Variants in BBOF1 observed in about 807,000 individuals in gnomAD.
BBOF1 encodes the protein basal body orientation factor 1.
Under a neutral mutation model 68.0 loss-of-function variants are expected in BBOF1, and 62 were observed. The observed-to-expected ratio is 0.91, with a 90% CI of 0.74 to 1.13. BBOF1 has a LOEUF of 1.13. Among genes scored for constraint, BBOF1 ranks in the 50% most tolerant of loss-of-function variants. The pLI is 0.00. For synonymous variants in BBOF1, 208 were observed against 198.8 expected (o/e 1.05, Z -0.39); for missense variants, 534 against 600.1 (o/e 0.89, Z 1.15).
At position 74,023,031 on chromosome 14, in the gene BBOF1, C is replaced by T. The variant is rs777449881; in HGVS notation, c.172C>T (p.Arg58Trp). 44 of 1,608,680 alleles carry T rather than the reference C, an allele frequency of 2.7e-5. No individual in the cohort carries two copies. Among genetic ancestry groups the T allele is most frequent in the Admixed American group, 1.2e-4 (7 of 59,522 alleles). Reference sequence around the variant, plus strand: ...TAGGATTAAGTATCGTGATACTTCACGGATACTGGCAAAAAGTAATGAGGA... The same window carrying T: ...TAGGATTAAGTATCGTGATACTTCATGGATACTGGCAAAAAGTAATGAGGA... ...LSRIKYRDTS[R>W]ILAKSNEDLK... Residue 58 changes from arginine (R) to tryptophan (W), a missense_variant, in exon 2 of 12, where the codon CGG becomes TGG. Arg to Trp is a moderately radical substitution (Grantham distance 101). Coordinates refer to ENST00000394009, the MANE Select transcript of BBOF1 (RefSeq NM_025057.3).
intron 4 of BBOF1, among the ~76,000 whole-genome samples, chr14:74,035,057 A>G (rs1272821312): frequency 6.6e-6 from 1 of 152,136 alleles, no homozygotes; most frequent in Non-Finnish European, 1.5e-5. Context: ...GCACGACTGC[A>G]CTCCAGCCTG....
At chr14:74,022,648 C>T (rs920084414) in intron 1 of BBOF1, among the ~76,000 whole-genome samples, 4 of 152,168 alleles carry the variant, frequency 2.6e-5, no homozygotes, top group Admixed American at 6.5e-5. Flanking sequence ...CTCCAGGACT[C>T]CCCTCCTCCA....
At chr14:74,034,757 C>T (rs1274595024) in intron 4 of BBOF1, among the ~76,000 whole-genome samples, 1 of 152,152 alleles carries the variant, frequency 6.6e-6, no homozygotes, top group East Asian at 1.9e-4. Context: ...CTTAACTCTT[C>T]CATACCTTGG....
chr14:74,023,166 T>A, intron 2 of BBOF1, 22 bp downstream of exon 2: 1 of 1,418,320 alleles, frequency 7.1e-7, no homozygotes, highest in Non-Finnish European at 9.7e-7. Context: ...GAAAGCCTCC[T>A]TGGCCTCATT....
chr14:74,023,207 A>T, intron 2 of BBOF1, 63 bp downstream of exon 2: 1 of 903,428 alleles, frequency 1.1e-6, no homozygotes, highest in Non-Finnish European at 1.7e-6. Flanking sequence ...TGATGTGGTT[A>T]TGTATTTCAA....
At chr14:74,023,939 A>AAAAAAAGAAAAG (rs1555370178) in intron 2 of BBOF1, among the ~76,000 whole-genome samples, 1 of 151,214 alleles carries the variant, frequency 6.6e-6, no homozygotes, top group African/African-American at 2.4e-5. Context: ...AAAAAAAAAA[A>AAAAAAAGAAAAG]AAAAGAAAAG....
downstream of BBOF1, chr14:74,067,425 GC>G: frequency 6.2e-7 from 1 of 1,614,084 alleles, no homozygotes; most frequent in South Asian, 1.1e-5. Context: ...AGCTCTGGCA[GC>G]CACTTCTTGG....
intron 9 of BBOF1, among the ~76,000 whole-genome samples, chr14:74,073,109 T>A (rs2139795906): frequency 6.6e-6 from 1 of 152,122 alleles, no homozygotes; most frequent in East Asian, 1.9e-4. Context: ...CCTTATTTTT[T>A]ATTTTTTATT....
In BBOF1 at chr14:74,050,127, C is replaced by T; in HGVS notation, c.1218C>T (p.Ile406=). The stretch of plus-strand genomic sequence containing the variant: ...CAGGAAGAACAGAATATCCCAAAAT[C>T]AGAACATTTGATGGCAGAGAGCACA... ...ACTGRTEYPK[I]RTFDGREHST... is the part of the protein sequence containing the mutation. The change falls in exon 8 of 12, where the codon ATC becomes ATT. Residue 406 remains isoleucine (I), a synonymous_variant. Transcript: ENST00000394009. The T allele has an allele frequency of 6.2e-7, 1 of 1,608,022 alleles. No homozygotes were observed. Among genetic ancestry groups the T allele is most frequent in the African/African-American group, 1.3e-5 (1 of 74,878 alleles).
At chr14:74,073,917 C>CAA (rs5809643) in intron 9 of BBOF1, among the ~76,000 whole-genome samples, 1,193 of 76,892 alleles carry the variant, frequency 0.016, 21 homozygotes, top group African/African-American at 0.056. Flanking sequence ...GACTCCATCT[C>CAA]AAAAAAAAAA....
At chr14:74,057,539 CG>C in intron 11 of BBOF1, 2 of 1,338,932 alleles carry the variant, frequency 1.5e-6, no homozygotes, top group Non-Finnish European at 1.9e-6. Context: ...CTATCTTTTA[CG>C]TAAGAGTAAA....
intron 3 of BBOF1, among the ~76,000 whole-genome samples, chr14:74,030,614 G>T (rs2140983063): frequency 6.6e-6 from 1 of 151,926 alleles, no homozygotes; most frequent in South Asian, 2.1e-4. Context: ...TCCTGCCTCA[G>T]CCTCTCGAGT....
chr14:74,069,218 C>T, downstream of BBOF1: 1 of 407,448 alleles, frequency 2.5e-6, no homozygotes, highest in Non-Finnish European at 4.6e-6. Flanking sequence ...AATTCTCTGC[C>T]TCAGCCTCCC....
Position 74,074,938 on chromosome 14 carries a change from A to C in BBOF1, n.1380-3258A>C. 4.3e-6 allele frequency: 7 copies of C among 1,613,088 alleles called. No homozygotes were observed. The highest frequency in any genetic ancestry group is 5.9e-6 in the Non-Finnish European group (7 of 1,179,100). On this transcript the variant is annotated intron_variant and non_coding_transcript_variant, in intron 9 of 12. Transcript: ENST00000492026. ...AATTCCTTCTCAGAAGTCAACCTCT[A>C]TGCCAAATAAACTCACCACTGAAGA...
intron 2 of BBOF1, among the ~76,000 whole-genome samples, chr14:74,026,153 A>G (rs186018256): frequency 0.016 from 2,231 of 143,478 alleles, 59 homozygotes; most frequent in African/African-American, 0.053. Flanking sequence ...AAAAAAAAAA[A>G]AGAGAGAGAC....
intron 4 of BBOF1, among the ~76,000 whole-genome samples, chr14:74,038,920 A>C (rs961614340): frequency 6.6e-6 from 1 of 152,172 alleles, no homozygotes; most frequent in African/African-American, 2.4e-5. Context: ...AAAGAAATGA[A>C]AAAGAAAAAA....
intron 3 of BBOF1, among the ~76,000 whole-genome samples, chr14:74,032,744 A>T (rs1427804120): frequency 6.6e-6 from 1 of 150,910 alleles, no homozygotes; most frequent in Non-Finnish European, 1.5e-5. Flanking sequence ...CACCCGCCTC[A>T]GCCTCCCAAA....
chr14:74,022,222 A>T (rs1299782378), intron 1 of BBOF1, among the ~76,000 whole-genome samples: 1 of 152,022 alleles, frequency 6.6e-6, no homozygotes, highest in East Asian at 1.9e-4. Context: ...AAAAAAAAAT[A>T]AATATGGGAG....
chr14:74,026,164 TG>T (rs983600067), intron 2 of BBOF1, among the ~76,000 whole-genome samples: 3 of 140,574 alleles, frequency 2.1e-5, no homozygotes, highest in African/African-American at 8.0e-5. Context: ...AGAGAGAGAC[TG>T]GGGGCGGTGG....
Sources: gnomAD v4.1 joint callset for allele counts (sites outside exome capture counted in the v4.1 genomes callset) on GRCh38, gnomAD v4.1.1 for gene constraint, MANE v1.5 for transcripts, NCBI Gene and HGNC (gene_info 2026-07-23, HGNC 2026-07-21) for gene names.